Variants in ZNF710 observed in about 807,000 individuals in gnomAD.
ZNF710 encodes zinc finger protein 710.
ZNF710 carries 13 observed loss-of-function variants against 50.6 expected under a neutral mutation model. The observed-to-expected ratio is 0.26, with a 90% CI of 0.17 to 0.41. ZNF710 has a LOEUF of 0.41. Among genes scored for constraint, ZNF710 ranks in the 10% least tolerant of loss-of-function variants. The pLI, the probability that ZNF710 is intolerant of heterozygous loss-of-function variation, is 1.00. For missense variants in ZNF710, 721 were observed against 936.6 expected (o/e 0.77, Z 3.01); for synonymous variants, 383 against 397.0 (o/e 0.96, Z 0.42).
chr15:90,039,261 A>G (rs962346858), intron 1 of ZNF710, among the ~76,000 whole-genome samples: 1 of 151,856 alleles, frequency 6.6e-6, no homozygotes, highest in Admixed American at 6.6e-5. Context: ...CCTGGATGGC[A>G]GAGCGAGACT....
chr15:90,036,443 C>T (rs1002027772), intron 1 of ZNF710, among the ~76,000 whole-genome samples: 2 of 152,158 alleles, frequency 1.3e-5, no homozygotes, highest in East Asian at 3.9e-4. Flanking sequence ...TCTTCCCCAC[C>T]GAGGGACGTC....
chr15:90,055,700 C>T (rs1899791325), intron 1 of ZNF710, among the ~76,000 whole-genome samples: 1 of 152,212 alleles, frequency 6.6e-6, no homozygotes, highest in Non-Finnish European at 1.5e-5. Context: ...AATTCCTTGC[C>T]CCGTACAATC....
chr15:90,019,187 C>CTTATTTTTTTTTT (rs1898539265), intron 1 of ZNF710, among the ~76,000 whole-genome samples: 1 of 89,390 alleles, frequency 1.1e-5, no homozygotes. Flanking sequence ...CTTTTTCTTT[C>CTTATTTTTTTTTT]TTTTTTTTTT....
chr15:90,079,286 T>C (rs1240379413), intron 4 of ZNF710, among the ~76,000 whole-genome samples: 2 of 152,202 alleles, frequency 1.3e-5, no homozygotes, highest in Non-Finnish European at 2.9e-5. Flanking sequence ...AAAGGTGATG[T>C]CACGCAGGCA....
intron 4 of ZNF710, chr15:90,076,129 A>G (rs1432141940): frequency 2.0e-5 from 3 of 152,206 alleles, no homozygotes; most frequent in Non-Finnish European, 4.4e-5. Context: ...CAGGGACCTC[A>G]TGTTGAGAAC....
chr15:90,041,197 T>C (rs1899285689), intron 1 of ZNF710, among the ~76,000 whole-genome samples: 1 of 152,026 alleles, frequency 6.6e-6, no homozygotes, highest in African/African-American at 2.4e-5. Flanking sequence ...TTTCTCTTTG[T>C]TTGTCTGTTT....
At chr15:90,005,139 G>A (rs2151456556) in intron 1 of ZNF710, among the ~76,000 whole-genome samples, 1 of 152,322 alleles carries the variant, frequency 6.6e-6, no homozygotes, top group African/African-American at 2.4e-5. Flanking sequence ...GTTTGTGAGG[G>A]TAGACGTCTT....
Position 90,073,217 on chromosome 15 carries a change from G to C in ZNF710, c.1605G>C (p.Lys535Asn). Residue 535 changes from lysine to asparagine, a missense_variant, in exon 3 of 5, where the codon AAG (lysine) becomes AAC (asparagine). Lys to Asn is a moderately conservative substitution (Grantham distance 94). Around this residue, in one of 3 missense-constraint regions of ZNF710, gnomAD observed 326 missense variants for 522.0 expected, o/e 0.62. Transcript: ENST00000268154. ...CCTTTGTACAGAAGCAGACTCTCAA[G>C]ACCCACATGATTGTACACTCGCCCG... ...FKTFVQKQTL[K>N]THMIVHSPVK... The C allele has an allele frequency of 6.2e-7, 1 of 1,614,206 alleles. No individual in the cohort carries two copies. The highest frequency in any genetic ancestry group is 8.5e-7 in the Non-Finnish European group (1 of 1,180,032).
chr15:90,029,017 G>A (rs1307571951), intron 1 of ZNF710, among the ~76,000 whole-genome samples: 1 of 152,124 alleles, frequency 6.6e-6, no homozygotes, highest in African/African-American at 2.4e-5. Flanking sequence ...TGTAATGGGT[G>A]GTTTTATTAA....
rs891767158 is a variant in ZNF710, at chr15:90,068,677, G to A, written c.1458+82G>A. The A allele has an allele frequency of 6.9e-7, 1 of 1,442,882 alleles. No homozygotes were observed. The allele number at this position is 1,442,882 out of a possible 1,614,324, so 89.4% of individuals were successfully genotyped here. ...CAGTACTTTCCAAAGTCCCAGATGG[G>A]ACCATTTAGGTGGTCTCCTAGTTTT... On this transcript the variant is annotated intron_variant, in intron 2 of 4. Transcript: ENST00000268154. The surrounding 1 kb of genome is among the most constrained non-coding windows in gnomAD (Gnocchi z 5.0).
At chr15:90,074,647 TTAGA>T (rs1288967439) in intron 4 of ZNF710, 1 of 568,316 alleles carries the variant, frequency 1.8e-6, no homozygotes, top group Non-Finnish European at 2.7e-6. Flanking sequence ...AACAGAGAAC[TTAGA>T]TAGCTCATGC....
rs1899049792 is a variant in ZNF710, at chr15:90,034,437, T to C, written c.-28-32673T>C. Among the ~76,000 whole-genome samples the C allele has an allele frequency of 7.9e-6, 1 of 125,898 alleles. No homozygotes were observed. The allele number at this position is 125,898 out of a possible 152,430, so 82.6% of individuals were successfully genotyped here. A position where few individuals can be genotyped will look rare whatever the true frequency, so the allele number is the denominator to read the frequency against. On this transcript the variant is annotated intron_variant, in intron 1 of 4. Coordinates refer to ENST00000268154, the MANE Select transcript of ZNF710 (RefSeq NM_198526.4). The surrounding 1 kb of genome is among the most constrained non-coding windows in gnomAD (Gnocchi z 4.0). Reference sequence around the variant, plus strand: ...TCCTGTTTCCAAATTCCTGTGTGTGTGTGTGTGTGTGTGTGTGTGTGTGTG... The same window carrying C: ...TCCTGTTTCCAAATTCCTGTGTGTGCGTGTGTGTGTGTGTGTGTGTGTGTG...
intron 1 of ZNF710, among the ~76,000 whole-genome samples, chr15:90,054,735 T>A (rs1164774690): frequency 6.6e-6 from 1 of 152,246 alleles, no homozygotes; most frequent in Non-Finnish European, 1.5e-5. Flanking sequence ...CTTTTCCCGT[T>A]ACACGAAGCT....
chr15:90,029,099 G>T (rs941085390), intron 1 of ZNF710, among the ~76,000 whole-genome samples: 4 of 152,228 alleles, frequency 2.6e-5, no homozygotes, highest in African/African-American at 7.2e-5. Context: ...GGGAAAGGCT[G>T]TGCTCTGTTT....
In ZNF710 at chr15:90,081,780, C is replaced by T. The variant is rs556374709; in HGVS notation, c.*1951C>T. On this transcript the variant is annotated 3_prime_UTR_variant, in exon 5 of 5. Transcript: ENST00000268154. ...CTCCTGCCAGTGCAGTGGCCTTGGT[C>T]TTGGAAACTGAAGGGAGAAGGTCTG... is the stretch of plus-strand genomic sequence containing the variant. The T allele has an allele frequency of 6.6e-6, 1 of 152,590 alleles. No homozygotes were observed. Among genetic ancestry groups the T allele is most frequent in the South Asian group, 2.1e-4 (1 of 4,842 alleles). 9.5% of individuals were successfully genotyped at this position (152,590 alleles called of 1,614,324 possible).
chr15:90,026,271 A>AC lies in ZNF710; in HGVS notation c.-29+24657_-29+24658insC, dbSNP rs1555456434. On this transcript the variant is annotated intron_variant, in intron 1 of 4. Transcript: ENST00000268154. The stretch of plus-strand genomic sequence containing the variant: ...AAACAAAACAACAACAACAACAACA[A>AC]AAAAAAAAAAGGGAATGAGAAAGGG... Among the ~76,000 whole-genome samples, 3 of 150,176 alleles carry AC rather than the reference A, an allele frequency of 2.0e-5. No individual in the cohort carries two copies. In the East Asian group the frequency reaches 6.0e-4, roughly 30 times the overall value.
intron 1 of ZNF710, among the ~76,000 whole-genome samples, chr15:90,051,950 G>T (rs1899658554): frequency 1.3e-5 from 2 of 152,126 alleles, no homozygotes; most frequent in Admixed American, 6.5e-5. Flanking sequence ...GCAGAGCTGG[G>T]GGTGGAGGAC....
intron 1 of ZNF710, among the ~76,000 whole-genome samples, chr15:90,005,535 G>A (rs979295045): frequency 9.2e-5 from 14 of 151,884 alleles, no homozygotes; most frequent in Admixed American, 2.0e-4. Flanking sequence ...TGCAACCTTC[G>A]CCTCCTGGCT....
rs113259668 is a variant in ZNF710, at chr15:90,079,721, G to A, written c.1887G>A (p.Glu629=). 2 of 1,613,998 alleles carry A rather than the reference G, an allele frequency of 1.2e-6. No individual in the cohort carries two copies. Among genetic ancestry groups the A allele is most frequent in the Non-Finnish European group, 1.7e-6 (2 of 1,179,954 alleles). ...PSELDGQQEM[E]DFEENAYSYA... is the part of the protein sequence containing the mutation. ...AGCTCGACGGCCAGCAGGAGATGGA[G>A]GACTTCGAGGAGAACGCCTACAGCT... Residue 629 remains glutamate, a synonymous_variant, in exon 5 of 5, where the codon GAG becomes GAA. Transcript: ENST00000268154.
Sources: gnomAD v4.1 joint callset for allele counts (sites outside exome capture counted in the v4.1 genomes callset) on GRCh38, gnomAD v4.1.1 for gene constraint, gnomAD v4.1.1 regional missense constraint, Gnocchi (gnomAD v3.1) non-coding constraint, MANE v1.5 for transcripts, NCBI Gene and HGNC (gene_info 2026-07-23, HGNC 2026-07-21) for gene names.